The following ATRNL1 variants were observed in gnomAD, a reference collection of about 807,000 sequenced individuals.
ATRNL1 encodes the protein attractin like 1.
Under a neutral mutation model 182.7 loss-of-function variants are expected in ATRNL1, and 95 were observed. The ratio of observed to expected loss-of-function variants is 0.52; its 90% CI spans 0.44 to 0.62. The LOEUF (loss-of-function observed/expected upper bound fraction) is 0.62, where lower values mean the gene tolerates loss of function less well. ATRNL1 is among the 20% of genes least tolerant of loss of function. The probability of loss-of-function intolerance (pLI) is 0.00; values close to 1 mark genes in which losing one functional copy is unlikely to be tolerated. For synonymous variants in ATRNL1, 576 were observed against 568.3 expected (o/e 1.01, Z -0.19); for missense variants, 1,471 against 1,679.5 (o/e 0.88, Z 2.17).
chr10:115,309,617 T>G (rs1322434947), intron 17 of ATRNL1, among the ~76,000 whole-genome samples: 5 of 152,112 alleles, frequency 3.3e-5, no homozygotes, highest in Non-Finnish European at 7.4e-5. Context: ...GTGTACATTG[T>G]TTTTGTAACC....
chr10:115,843,924 A>G (rs527573176), intron 27 of ATRNL1, among the ~76,000 whole-genome samples: 1 of 152,196 alleles, frequency 6.6e-6, no homozygotes, highest in South Asian at 2.1e-4. Context: ...TATGCCACCT[A>G]TTAGGTCTAC....
intron 25 of ATRNL1, among the ~76,000 whole-genome samples, chr10:115,531,838 T>C (rs1385334839): frequency 6.9e-6 from 1 of 144,338 alleles, no homozygotes; most frequent in Admixed American, 6.8e-5. Flanking sequence ...GTTTCAGCAT[T>C]CTACGTATGG....
At chr10:115,347,159 G>A (rs1554939995) in intron 19 of ATRNL1, among the ~76,000 whole-genome samples, 1 of 152,094 alleles carries the variant, frequency 6.6e-6, no homozygotes, top group Non-Finnish European at 1.5e-5. Flanking sequence ...TTACTGACGT[G>A]ATACATTTGA....
intron 25 of ATRNL1, among the ~76,000 whole-genome samples, chr10:115,533,162 G>A (rs1411450821): frequency 2.6e-5 from 4 of 152,092 alleles, no homozygotes; most frequent in African/African-American, 7.2e-5. Flanking sequence ...GATTGGAATA[G>A]TTTCAGAAGG....
chr10:115,335,344 C>T (rs782447714), intron 19 of ATRNL1, among the ~76,000 whole-genome samples: 28 of 151,928 alleles, frequency 1.8e-4, no homozygotes, highest in Non-Finnish European at 2.1e-4. Flanking sequence ...GAGCCTGACT[C>T]TGGTTAGATA....
chr10:115,510,103 T>A (rs1850314197), intron 24 of ATRNL1, among the ~76,000 whole-genome samples: 1 of 152,024 alleles, frequency 6.6e-6, no homozygotes, highest in African/African-American at 2.4e-5. Flanking sequence ...ATTGCTGCAA[T>A]GTAATGATAA....
chr10:115,513,313 A>G (rs541471312), intron 24 of ATRNL1, among the ~76,000 whole-genome samples: 1 of 152,010 alleles, frequency 6.6e-6, no homozygotes, highest in Non-Finnish European at 1.5e-5. Flanking sequence ...GCACTTCTGC[A>G]TATTTTTAGA....
intron 8 of ATRNL1, among the ~76,000 whole-genome samples, chr10:115,192,410 G>C (rs1158773021): frequency 6.6e-6 from 1 of 152,018 alleles, no homozygotes; most frequent in African/African-American, 2.4e-5. Context: ...GACTGTAAAT[G>C]TGTGAATTTA....
At chr10:115,753,215 G>A (rs1417330678) in intron 27 of ATRNL1, among the ~76,000 whole-genome samples, 1 of 152,052 alleles carries the variant, frequency 6.6e-6, no homozygotes, top group Admixed American at 6.6e-5. Context: ...TGGGGTACAT[G>A]TGCAGAAGGT....
At chr10:115,627,420 A>G (rs1173045568) in intron 26 of ATRNL1, among the ~76,000 whole-genome samples, 3 of 152,044 alleles carry the variant, frequency 2.0e-5, no homozygotes, top group Non-Finnish European at 4.4e-5. Flanking sequence ...ACTGGAGTGC[A>G]GTGGTAAGAC....
At chr10:115,441,658 CATT>C (rs1406141020) in intron 21 of ATRNL1, among the ~76,000 whole-genome samples, 1 of 151,914 alleles carries the variant, frequency 6.6e-6, no homozygotes, top group African/African-American at 2.4e-5. Context: ...TTGATATCAT[CATT>C]TAGATATTTT....
At chr10:115,217,956 A>G (rs1033938407) in intron 9 of ATRNL1, among the ~76,000 whole-genome samples, 1 of 152,060 alleles carries the variant, frequency 6.6e-6, no homozygotes, top group Non-Finnish European at 1.5e-5. Flanking sequence ...GGATTATGTC[A>G]GTGGTCCCCA....
intron 27 of ATRNL1, among the ~76,000 whole-genome samples, chr10:115,843,840 C>G (rs1950866627): frequency 6.6e-6 from 1 of 151,966 alleles, no homozygotes; most frequent in African/African-American, 2.4e-5. Context: ...GTCTTCCTAC[C>G]TATTACAGGC....
At chr10:115,920,124 CT>C (rs1171427798) in intron 28 of ATRNL1, among the ~76,000 whole-genome samples, 1 of 152,170 alleles carries the variant, frequency 6.6e-6, no homozygotes, top group Admixed American at 6.5e-5. Context: ...TTCCTAACAA[CT>C]CAAAATCTAG....
chr10:115,229,760 C>A (rs1211802797), intron 9 of ATRNL1, among the ~76,000 whole-genome samples: 2 of 152,000 alleles, frequency 1.3e-5, no homozygotes, highest in Non-Finnish European at 2.9e-5. Context: ...TAAATAAGTA[C>A]TTATCTCTGT....
At chr10:115,934,460 C>T (rs1394628932) in intron 28 of ATRNL1, among the ~76,000 whole-genome samples, 2 of 152,140 alleles carry the variant, frequency 1.3e-5, no homozygotes, top group Non-Finnish European at 2.9e-5. Context: ...ACCAAATTCA[C>T]TATGTCTGAA....
At chr10:115,157,248 G>A (rs1846564563) in intron 5 of ATRNL1, among the ~76,000 whole-genome samples, 1 of 151,888 alleles carries the variant, frequency 6.6e-6, no homozygotes, top group Admixed American at 6.6e-5. Flanking sequence ...TTTAAAAAGT[G>A]GACTCTTGCT....
chr10:115,833,717 A>T (rs1200006322), intron 27 of ATRNL1, among the ~76,000 whole-genome samples: 1 of 152,200 alleles, frequency 6.6e-6, no homozygotes, highest in African/African-American at 2.4e-5. Context: ...CAGAGAGTTA[A>T]GAAACATGCC....
intron 19 of ATRNL1, among the ~76,000 whole-genome samples, chr10:115,339,339 T>C (rs782481001): frequency 6.6e-6 from 1 of 152,150 alleles, no homozygotes; most frequent in Non-Finnish European, 1.5e-5. Context: ...ATTCTTCCAA[T>C]CCATGAATTG....
Sources: gnomAD v4.1 joint callset for allele counts (sites outside exome capture counted in the v4.1 genomes callset) on GRCh38, gnomAD v4.1.1 for gene constraint, MANE v1.5 for transcripts, NCBI Gene and HGNC (gene_info 2026-07-23, HGNC 2026-07-21) for gene names.